Variants in PDE2A observed in about 807,000 individuals in gnomAD.
PDE2A encodes cGMP-dependent 3',5'-cyclic phosphodiesterase.
Under a neutral mutation model 133.6 loss-of-function variants are expected in PDE2A, and 53 were observed. The observed-to-expected ratio is 0.40, with a 90% CI of 0.32 to 0.50. PDE2A has a LOEUF of 0.50. Ranked by LOEUF, PDE2A falls within the 20% of genes least tolerant of loss-of-function variation. The probability of loss-of-function intolerance (pLI) is 0.73; values close to 1 mark genes in which losing one functional copy is unlikely to be tolerated. For synonymous variants in PDE2A, 491 were observed against 490.2 expected (o/e 1.00, Z -0.02); for missense variants, 796 against 1,232.4 (o/e 0.65, Z 5.30).
intron 23 of PDE2A, 136 bp from the exon 24 acceptor site, chr11:72,581,109 T>G (rs1420572305): frequency 1.3e-6 from 1 of 748,368 alleles, no homozygotes; most frequent in Non-Finnish European, 2.3e-6. Flanking sequence ...GTTCCCTTCC[T>G]GGAAAGAAGC....
intron 6 of PDE2A, 54 bp downstream of exon 6, chr11:72,596,539 A>G (rs947117060): frequency 2.1e-5 from 21 of 999,706 alleles, no homozygotes; most frequent in Non-Finnish European, 2.9e-5. Flanking sequence ...TCCATCCACC[A>G]CTCCCTCCCA....
intron 2 of PDE2A, among the ~76,000 whole-genome samples, chr11:72,626,105 C>T (rs1482506042): frequency 1.3e-5 from 2 of 152,268 alleles, no homozygotes; most frequent in Non-Finnish European, 2.9e-5. Flanking sequence ...TGGGCCTAGG[C>T]CTTGCCCGCG....
chr11:72,630,759 A>G (rs1858333980), intron 2 of PDE2A, among the ~76,000 whole-genome samples: 1 of 151,842 alleles, frequency 6.6e-6, no homozygotes, highest in Non-Finnish European at 1.5e-5. Context: ...AATGGAGAGG[A>G]GAGGAACTCG....
chr11:72,653,060 C>A (rs1360052484), intron 1 of PDE2A, among the ~76,000 whole-genome samples: 1 of 152,234 alleles, frequency 6.6e-6, no homozygotes, highest in Non-Finnish European at 1.5e-5. Context: ...AAGCACCCGT[C>A]GCTATGGAAG....
rs527953945 is a variant in PDE2A at position 72,578,580 on chromosome 11, C to T, written c.2470-66G>A. 1.5e-4 allele frequency: 210 copies of T among 1,369,284 alleles called. No individual in the cohort carries two copies. The highest frequency in any genetic ancestry group is 2.1e-4 in the Non-Finnish European group (200 of 957,768). 84.8% of individuals were successfully genotyped at this position (1,369,284 alleles called of 1,614,324 possible). A position where few individuals can be genotyped will look rare whatever the true frequency, so the allele number is the denominator to read the frequency against. On this transcript the variant is annotated intron_variant, in intron 28 of 30. Transcript: ENST00000334456. The surrounding 1 kb of genome is among the most constrained non-coding windows in gnomAD (Gnocchi z 4.2). ...ACATCCACCCAAGCTCCTCTGACAGCCCGTTCCCAGGAGAGAAAACTGAGG... is the reference window on the plus strand; with the variant it reads ...ACATCCACCCAAGCTCCTCTGACAGTCCGTTCCCAGGAGAGAAAACTGAGG...
At chr11:72,650,183 G>A (rs991574953) in intron 1 of PDE2A, among the ~76,000 whole-genome samples, 5 of 152,084 alleles carry the variant, frequency 3.3e-5, no homozygotes, top group Admixed American at 1.3e-4. Flanking sequence ...CATTACGCCC[G>A]GCTAATATTT....
intron 2 of PDE2A, among the ~76,000 whole-genome samples, chr11:72,634,805 G>T (rs957075638): frequency 1.3e-5 from 2 of 152,212 alleles, no homozygotes; most frequent in African/African-American, 4.8e-5. Context: ...TGTCACCCTT[G>T]GGGCAAGAAC....
At chr11:72,588,666 C>A in intron 13 of PDE2A, 118 bp downstream of exon 13, 1 of 953,948 alleles carries the variant, frequency 1.0e-6, no homozygotes, top group Non-Finnish European at 1.6e-6. Context: ...ACTGTTCAAC[C>A]CACTGCTGCT....
At chr11:72,619,196 C>A (rs1857625553) in intron 2 of PDE2A, among the ~76,000 whole-genome samples, 1 of 152,140 alleles carries the variant, frequency 6.6e-6, no homozygotes, top group Non-Finnish European at 1.5e-5. Flanking sequence ...GACCCTCGGA[C>A]CCTCTATACA....
intron 4 of PDE2A, among the ~76,000 whole-genome samples, chr11:72,599,412 C>T (rs1284379366): frequency 6.6e-6 from 1 of 152,042 alleles, no homozygotes; most frequent in Non-Finnish European, 1.5e-5. Context: ...TTATTATCTC[C>T]ACTCCCTCCA....
At position 72,642,291 on chromosome 11, in the gene PDE2A, G is replaced by T. The variant is rs764502426; in HGVS notation, c.107C>A (p.Pro36Gln). 2 of 1,521,538 alleles carry T rather than the reference G, an allele frequency of 1.3e-6. No homozygotes were observed. Among genetic ancestry groups the T allele is most frequent in the Non-Finnish European group, 1.8e-6 (2 of 1,137,338 alleles). The allele number at this position is 1,521,538 out of a possible 1,614,324, so 94.3% of individuals were successfully genotyped here. A position where few individuals can be genotyped will look rare whatever the true frequency, so the allele number is the denominator to read the frequency against. Residue 36 changes from proline (P) to glutamine (Q), a missense_variant, in exon 2 of 31, where the codon CCG becomes CAG. By Grantham distance (76) the Pro-to-Gln change is moderately conservative (BLOSUM62 -1). Around this residue, in one of 7 missense-constraint regions of PDE2A, gnomAD observed 417 missense variants for 475.3 expected, o/e 0.88. Coordinates refer to ENST00000334456, the MANE Select transcript of PDE2A (RefSeq NM_002599.5). The stretch of plus-strand genomic sequence containing the variant: ...GGCGCATGGCTGCGGCGGCGGCGGC[G>T]GCTCGTCCGGCTTGAGGAAGACCTG... ...GQQVFLKPDE[P>Q]PPPPQPCADS...
At chr11:72,618,649 T>A (rs891770068) in intron 2 of PDE2A, among the ~76,000 whole-genome samples, 5 of 152,204 alleles carry the variant, frequency 3.3e-5, no homozygotes, top group African/African-American at 7.2e-5. Context: ...GGCCTGAGTC[T>A]CTGTCTCTCT....
intron 1 of PDE2A, among the ~76,000 whole-genome samples, chr11:72,654,193 A>T (rs992204960): frequency 6.6e-6 from 1 of 152,202 alleles, no homozygotes; most frequent in Non-Finnish European, 1.5e-5. Flanking sequence ...GACCGGTAGA[A>T]CACAGCCGCC....
chr11:72,666,652 C>T (rs1855241209), intron 1 of PDE2A, among the ~76,000 whole-genome samples: 1 of 152,292 alleles, frequency 6.6e-6, no homozygotes, highest in South Asian at 2.1e-4. Flanking sequence ...CACACATATC[C>T]CCTCATCCCT....
At chr11:72,648,330 C>T (rs1385143685) in intron 1 of PDE2A, among the ~76,000 whole-genome samples, 6 of 152,192 alleles carry the variant, frequency 3.9e-5, no homozygotes, top group African/African-American at 1.4e-4. Flanking sequence ...CCAGATCCAG[C>T]TCTGTGTCCG....
At chr11:72,610,984 C>A (rs1390071177) in intron 2 of PDE2A, among the ~76,000 whole-genome samples, 1 of 152,188 alleles carries the variant, frequency 6.6e-6, no homozygotes, top group Non-Finnish European at 1.5e-5. Flanking sequence ...CCCCAGTACT[C>A]CCAAGATAAA....
chr11:72,589,842 C>G (rs1001315206), intron 10 of PDE2A, 50 bp from the exon 11 acceptor site: 8 of 1,609,928 alleles, frequency 5.0e-6, no homozygotes, highest in African/African-American at 2.7e-5. Context: ...AATGGATTTC[C>G]CCCTCGGAGA....
At chr11:72,602,697 A>G (rs777485594) in intron 4 of PDE2A, among the ~76,000 whole-genome samples, 5 of 152,174 alleles carry the variant, frequency 3.3e-5, no homozygotes, top group Non-Finnish European at 7.4e-5. Flanking sequence ...CTGAGCTCCT[A>G]CTGTGTGCTG....
Position 72,585,597 on chromosome 11 carries a change from G to A in PDE2A, c.1183-4C>T, listed in dbSNP as rs1413561011. The A allele has an allele frequency of 1.2e-6, 2 of 1,613,830 alleles. No homozygotes were observed. The highest frequency in any genetic ancestry group is 4.5e-5 in the East Asian group (2 of 44,878). On this transcript the variant is annotated splice_region_variant and splice_polypyrimidine_tract_variant and intron_variant, in intron 14 of 30. Coordinates refer to ENST00000334456, the MANE Select transcript of PDE2A (RefSeq NM_002599.5). ...TCTTTGCCACTTGGAGAAGAGCCTG[G>A]AATGAAGGAAATGGAGATCATAGGG...
Sources: gnomAD v4.1 joint callset for allele counts (sites outside exome capture counted in the v4.1 genomes callset) on GRCh38, gnomAD v4.1.1 for gene constraint, gnomAD v4.1.1 regional missense constraint, Gnocchi (gnomAD v3.1) non-coding constraint, MANE v1.5 for transcripts, NCBI Gene and HGNC (gene_info 2026-07-23, HGNC 2026-07-21) for gene names.